ZBTB20: variants seen among roughly 807,000 people sequenced by gnomAD.
ZBTB20 encodes the protein zinc finger and BTB domain containing 20, also known as zinc finger and BTB domain-containing protein 20.
A neutral mutation model predicts 56.9 loss-of-function variants in ZBTB20; 9 were observed. That is an observed-to-expected ratio of 0.16 (90% CI 0.10 to 0.28). The LOEUF is 0.28. ZBTB20 is among the 10% of genes least tolerant of loss of function. The pLI, the probability that ZBTB20 is intolerant of heterozygous loss-of-function variation, is 1.00. For synonymous variants in ZBTB20, 417 were observed against 420.7 expected, an observed-to-expected ratio of 0.99 and a Z score of 0.11; for missense variants, 655 against 1,003.0, an observed-to-expected ratio of 0.65 and a Z score of 4.69.
intron 7 of ZBTB20, among the ~76,000 whole-genome samples, chr3:114,397,454 G>A (rs1033213127): frequency 1.6e-4 from 24 of 151,146 alleles, no homozygotes; most frequent in African/African-American, 4.7e-4. Flanking sequence ...TGTTCCCTTC[G>A]TATCTTGAAG....
chr3:115,039,524 C>G (rs1393042076), intron 2 of ZBTB20, among the ~76,000 whole-genome samples: 1 of 151,856 alleles, frequency 6.6e-6, no homozygotes, highest in African/African-American at 2.4e-5. Context: ...GAACATATTT[C>G]AAGCAGAGAC....
At chr3:114,377,472 C>T (rs966573577) in intron 10 of ZBTB20, among the ~76,000 whole-genome samples, 16 of 152,190 alleles carry the variant, frequency 1.1e-4, no homozygotes, top group African/African-American at 3.6e-4. Context: ...GGGGGTCAGA[C>T]TTGTCATCTT....
chr3:114,953,985 A>G (rs1358330728), intron 3 of ZBTB20, among the ~76,000 whole-genome samples: 1 of 152,140 alleles, frequency 6.6e-6, no homozygotes. Context: ...CTTCAGAGAT[A>G]AGTCATATCA....
rs2074605740 is a variant in ZBTB20 at position 114,844,821 on chromosome 3, T to C, written c.-416-43647A>G. Among the ~76,000 whole-genome samples, 7 of 150,192 alleles carry C rather than the reference T, an allele frequency of 4.7e-5. No individual in the cohort carries two copies. In the South Asian group the frequency reaches 1.5e-3, roughly 31 times the overall value. ...TTCTAACAATGATTGATATTGAGCA[T>C]CATTTCATGTGCTCATCATATACCA... On this transcript the variant is annotated intron_variant, in intron 4 of 11. Coordinates refer to ENST00000675478, the MANE Select transcript of ZBTB20 (RefSeq NM_001348800.3).
At chr3:114,692,291 G>A (rs1024569021) in intron 6 of ZBTB20, among the ~76,000 whole-genome samples, 1 of 152,086 alleles carries the variant, frequency 6.6e-6, no homozygotes, top group Non-Finnish European at 1.5e-5. Flanking sequence ...GGAGTGGGGA[G>A]GGAGGCGGAG....
chr3:115,045,489 T>C (rs2081300352), intron 2 of ZBTB20, among the ~76,000 whole-genome samples: 2 of 151,946 alleles, frequency 1.3e-5, no homozygotes, highest in African/African-American at 4.8e-5. Context: ...AACTACACCT[T>C]TCTACAATTA....
intron 6 of ZBTB20, among the ~76,000 whole-genome samples, chr3:114,593,102 T>C (rs1273636827): frequency 6.6e-6 from 1 of 152,186 alleles, no homozygotes; most frequent in Non-Finnish European, 1.5e-5. Flanking sequence ...CAAAGGCTTA[T>C]TTTTCCAAAA....
At chr3:114,987,143 A>T (rs896128823) in intron 2 of ZBTB20, among the ~76,000 whole-genome samples, 1 of 152,172 alleles carries the variant, frequency 6.6e-6, no homozygotes, top group Non-Finnish European at 1.5e-5. Context: ...ATAAAGTAAG[A>T]TTTTAGATAA....
chr3:114,795,131 C>T (rs1453609827), intron 5 of ZBTB20, among the ~76,000 whole-genome samples: 1 of 151,994 alleles, frequency 6.6e-6, no homozygotes, highest in Non-Finnish European at 1.5e-5. Context: ...TCTGTTTATG[C>T]AAGTGAGAAA....
chr3:115,057,894 GA>G (rs889239958), intron 2 of ZBTB20, among the ~76,000 whole-genome samples: 3 of 152,038 alleles, frequency 2.0e-5, no homozygotes, highest in Admixed American at 1.3e-4. Context: ...ATTTATAAAA[GA>G]AAAAATTTAA....
At chr3:114,917,115 T>C (rs962251943) in intron 3 of ZBTB20, among the ~76,000 whole-genome samples, 2 of 152,172 alleles carry the variant, frequency 1.3e-5, no homozygotes, top group Non-Finnish European at 2.9e-5. Flanking sequence ...TTCTTCAAGC[T>C]CACTAATTCT....
chr3:114,858,650 G>C (rs1471082211), intron 4 of ZBTB20, among the ~76,000 whole-genome samples: 1 of 152,002 alleles, frequency 6.6e-6, no homozygotes, highest in Non-Finnish European at 1.5e-5. Context: ...TGAGCTCCGT[G>C]CAGTGCAGAA....
intron 6 of ZBTB20, among the ~76,000 whole-genome samples, chr3:114,588,159 G>A (rs1016807671): frequency 6.6e-6 from 1 of 152,132 alleles, no homozygotes; most frequent in Non-Finnish European, 1.5e-5. Context: ...GGGGGAAGGG[G>A]CGGACAGCTT....
chr3:115,007,564 A>T (rs1226746944), intron 2 of ZBTB20, among the ~76,000 whole-genome samples: 1 of 151,832 alleles, frequency 6.6e-6, no homozygotes, highest in Non-Finnish European at 1.5e-5. Context: ...TCTTCTTAGC[A>T]TATAAACATG....
chr3:114,499,739 T>C (rs1471967674), intron 7 of ZBTB20, among the ~76,000 whole-genome samples: 2 of 152,098 alleles, frequency 1.3e-5, no homozygotes, highest in African/African-American at 4.8e-5. Flanking sequence ...GTGTTTTTTT[T>C]TCCCCCCGAA....
Position 114,908,692 on chromosome 3 carries a change from C to A in ZBTB20, c.-455-8350G>T, listed in dbSNP as rs147641502. Among the ~76,000 whole-genome samples, 6 of 151,750 alleles carry A rather than the reference C, an allele frequency of 4.0e-5. 1 individual carries two copies. Among genetic ancestry groups the A allele is most frequent in the South Asian group, 2.1e-4 (1 of 4,820 alleles). On this transcript the variant is annotated intron_variant, in intron 3 of 11. Coordinates refer to ENST00000675478, the MANE Select transcript of ZBTB20 (RefSeq NM_001348800.3). ...TACGCATTAAGTTCAAAATAGGGCA[C>A]AATCTTAGGGAACTAATCTGAGGGC...
At position 114,781,895 on chromosome 3, in the gene ZBTB20, C is replaced by T. The variant is rs186704064; in HGVS notation, c.-343+19206G>A. ...CATGTAAGATGTGACTTTCACCTTC[C>T]GCCATGATTGTGAGGTCTACCCAGC... On this transcript the variant is annotated intron_variant, in intron 5 of 11. Transcript: ENST00000675478. Among the ~76,000 whole-genome samples, 718 of 152,272 alleles carry T rather than the reference C, an allele frequency of 4.7e-3. 4 individuals are homozygous for T. Among genetic ancestry groups the T allele is most frequent in the South Asian group, 0.025 (123 of 4,828 alleles).
intron 3 of ZBTB20, among the ~76,000 whole-genome samples, chr3:114,964,420 GCAAA>G (rs2077567893): frequency 1.3e-5 from 2 of 151,914 alleles, no homozygotes; most frequent in African/African-American, 2.4e-5. Context: ...GTCTCAAAAA[GCAAA>G]CAAACAAACA....
intron 7 of ZBTB20, among the ~76,000 whole-genome samples, chr3:114,431,407 C>T (rs1189242485): frequency 1.3e-5 from 2 of 152,020 alleles, no homozygotes; most frequent in East Asian, 1.9e-4. Flanking sequence ...CGTATAAAAA[C>T]GATTATTCAA....
Sources: gnomAD v4.1 joint callset for allele counts (sites outside exome capture counted in the v4.1 genomes callset) on GRCh38, gnomAD v4.1.1 for gene constraint, MANE v1.5 for transcripts, NCBI Gene and HGNC (gene_info 2026-07-23, HGNC 2026-07-21) for gene names.